The following ASAP3 variants were observed in gnomAD, a reference collection of about 807,000 sequenced individuals.
The protein encoded by ASAP3 is arf-GAP with SH3 domain, ANK repeat and PH domain-containing protein 3.
ASAP3 carries 85 observed loss-of-function variants against 118.2 expected under a neutral mutation model. The ratio of observed to expected loss-of-function variants is 0.72; its 90% CI spans 0.60 to 0.86. The LOEUF (loss-of-function observed/expected upper bound fraction) is 0.86. Ranked by LOEUF, ASAP3 falls within the 40% of genes least tolerant of loss-of-function variation. ASAP3 has a pLI of 0.00. For synonymous variants in ASAP3, 432 were observed against 477.4 expected (o/e 0.90, Z 1.24); for missense variants, 1,026 against 1,175.0 (o/e 0.87, Z 1.85).
intron 4 of ASAP3, among the ~76,000 whole-genome samples, chr1:23,452,229 G>A (rs1641238950): frequency 2.0e-5 from 3 of 152,212 alleles, no homozygotes; most frequent in Non-Finnish European, 2.9e-5. Context: ...TGGGCCGTCT[G>A]GGGCAGATTG....
intron 11 of ASAP3, 121 bp downstream of exon 11, chr1:23,439,040 C>T: frequency 1.5e-6 from 2 of 1,323,960 alleles, no homozygotes; most frequent in Non-Finnish European, 2.1e-6. Flanking sequence ...AACGGGTCTC[C>T]AGCTCCCTGG....
intron 1 of ASAP3, among the ~76,000 whole-genome samples, chr1:23,477,478 A>G (rs1570417413): frequency 6.7e-6 from 1 of 149,668 alleles, no homozygotes; most frequent in Non-Finnish European, 1.5e-5. Context: ...TCTGGAAGGG[A>G]GCCTGAGGGA....
At chr1:23,453,404 C>A (rs1337925959) in intron 3 of ASAP3, among the ~76,000 whole-genome samples, 1 of 152,114 alleles carries the variant, frequency 6.6e-6, no homozygotes, top group African/African-American at 2.4e-5. Context: ...CAATCACAAT[C>A]CTCGCTGGGA....
intron 19 of ASAP3, among the ~76,000 whole-genome samples, 163 bp downstream of exon 19, chr1:23,434,091 C>T (rs151035916): frequency 3.8e-4 from 58 of 152,264 alleles, no homozygotes; most frequent in African/African-American, 1.3e-3. Flanking sequence ...GTATTATTCC[C>T]ATTTTACAGA....
intron 1 of ASAP3, among the ~76,000 whole-genome samples, chr1:23,482,688 C>T (rs1052345332): frequency 2.6e-4 from 39 of 152,146 alleles, no homozygotes; most frequent in African/African-American, 9.2e-4. Context: ...GTGGCTCACG[C>T]CTGTAATCCC....
At chr1:23,449,228 T>C (rs1570362283) in intron 5 of ASAP3, among the ~76,000 whole-genome samples, 1 of 152,192 alleles carries the variant, frequency 6.6e-6, no homozygotes, top group Admixed American at 6.5e-5. Flanking sequence ...CTCATATAGG[T>C]GGTCAATAAA....
intron 5 of ASAP3, among the ~76,000 whole-genome samples, chr1:23,448,004 A>T (rs1641100683): frequency 6.6e-6 from 1 of 152,220 alleles, no homozygotes; most frequent in East Asian, 1.9e-4. Flanking sequence ...TAAAATAACA[A>T]GTCCCATTCC....
chr1:23,471,872 T>C (rs773688908), intron 1 of ASAP3, among the ~76,000 whole-genome samples: 2 of 152,254 alleles, frequency 1.3e-5, no homozygotes, highest in African/African-American at 2.4e-5. Context: ...TGCTAATATC[T>C]GAAAAGTGCT....
At chr1:23,451,622 G>T in intron 4 of ASAP3, 94 bp from the exon 5 acceptor site, 1 of 1,336,758 alleles carries the variant, frequency 7.5e-7, no homozygotes, top group Non-Finnish European at 1.1e-6. Context: ...CTGCTAGTGT[G>T]CTCCCCTGAG....
At chr1:23,476,446 T>A in intron 1 of ASAP3, among the ~76,000 whole-genome samples, 1 of 151,800 alleles carries the variant, frequency 6.6e-6, no homozygotes, top group Non-Finnish European at 1.5e-5. Flanking sequence ...TATAAAACAC[T>A]TCTACAATCT....
intron 1 of ASAP3, among the ~76,000 whole-genome samples, chr1:23,469,974 G>C (rs551090149): frequency 1.1e-4 from 16 of 152,238 alleles, no homozygotes; most frequent in Admixed American, 4.6e-4. Flanking sequence ...TTTTCTAATG[G>C]TGGAAGCCAG....
intron 1 of ASAP3, among the ~76,000 whole-genome samples, chr1:23,469,935 T>C (rs974622295): frequency 6.6e-6 from 1 of 152,104 alleles, no homozygotes; most frequent in Non-Finnish European, 1.5e-5. Flanking sequence ...TCTGTAAGGA[T>C]TGCTGTGAAA....
At chr1:23,466,885 T>C (rs1641786300) in intron 1 of ASAP3, among the ~76,000 whole-genome samples, 1 of 152,228 alleles carries the variant, frequency 6.6e-6, no homozygotes, top group Non-Finnish European at 1.5e-5. Context: ...ATTATTATTT[T>C]GAGATGAAAT....
At chr1:23,433,814 G>C in intron 19 of ASAP3, 121 bp from the exon 20 acceptor site, 2 of 1,310,138 alleles carry the variant, frequency 1.5e-6, no homozygotes, top group Non-Finnish European at 2.1e-6. Flanking sequence ...CCATTTTCTG[G>C]CTATGTGACC....
chr1:23,467,603 G>A (rs1189465957), intron 1 of ASAP3, among the ~76,000 whole-genome samples: 3 of 152,146 alleles, frequency 2.0e-5, no homozygotes. Context: ...CAAAATAAAG[G>A]CTCAGGTGAG....
intron 1 of ASAP3, among the ~76,000 whole-genome samples, chr1:23,482,154 C>G (rs1166028407): frequency 6.6e-6 from 1 of 152,198 alleles, no homozygotes; most frequent in Admixed American, 6.5e-5. Context: ...CTCTGTGAGA[C>G]AAATGAAGAC....
At chr1:23,440,997 T>C in intron 10 of ASAP3, 105 bp downstream of exon 10, 1 of 1,048,136 alleles carries the variant, frequency 9.5e-7, no homozygotes, top group Non-Finnish European at 1.4e-6. Context: ...CAACCCTCGG[T>C]GTCTACACAA....
intron 18 of ASAP3, 33 bp from the exon 19 acceptor site, chr1:23,434,402 G>C (rs749591805): frequency 6.2e-7 from 1 of 1,611,442 alleles, no homozygotes; most frequent in Non-Finnish European, 8.5e-7. Flanking sequence ...AGAAAGGAAG[G>C]GGAACAGATC....
In ASAP3 at chr1:23,438,446, A is replaced by G. The variant is rs1016952841; in HGVS notation, c.1102+301T>C. On this transcript the variant is annotated intron_variant, in intron 12 of 24. Transcript: ENST00000336689. This position sits in a 1 kb window ranked among gnomAD's most constrained non-coding sequence, Gnocchi z 4.9. ...AATTTCATCTCCTTCAAGTCTGGGT[A>G]TTTGGGAAAAAAAGGTAAAATTTTA... Among the ~76,000 whole-genome samples the G allele has an allele frequency of 1.3e-5, 2 of 152,234 alleles. No individual in the cohort carries two copies. The highest frequency in any genetic ancestry group is 2.4e-5 in the African/African-American group (1 of 41,460).
Sources: allele counts gnomAD v4.1 joint callset (sites outside exome capture counted in the v4.1 genomes callset), GRCh38; gene constraint gnomAD v4.1.1; non-coding constraint Gnocchi (gnomAD v3.1); transcripts MANE v1.5; gene names NCBI Gene and HGNC (gene_info 2026-07-23, HGNC 2026-07-21).